PRKCH: variants seen among roughly 807,000 people sequenced by gnomAD.
PRKCH encodes protein kinase C eta.
A neutral mutation model predicts 82.5 loss-of-function variants in PRKCH; 28 were observed. The observed-to-expected ratio is 0.34, with a 90% CI of 0.25 to 0.47. The LOEUF (loss-of-function observed/expected upper bound fraction) is 0.47, where lower values mean the gene tolerates loss of function less well. PRKCH is among the 20% of genes least tolerant of loss of function. The probability of loss-of-function intolerance (pLI) is 1.00; values close to 1 mark genes in which losing one functional copy is unlikely to be tolerated. For synonymous variants in PRKCH, 322 were observed against 327.4 expected (o/e 0.98, Z 0.18); for missense variants, 705 against 881.8 (o/e 0.80, Z 2.54).
chr14:61,387,427 G>A (rs2046604508), intron 1 of PRKCH, among the ~76,000 whole-genome samples: 1 of 152,204 alleles, frequency 6.6e-6, no homozygotes, highest in Admixed American at 6.5e-5. Context: ...CCAGAAGCTG[G>A]GATGGATGTA....
At chr14:61,513,898 T>C (rs1052103923) in intron 10 of PRKCH, among the ~76,000 whole-genome samples, 6 of 151,962 alleles carry the variant, frequency 3.9e-5, no homozygotes, top group Admixed American at 6.6e-5. Context: ...ATGTGAGAAA[T>C]GTGGAGGGAA....
intron 2 of PRKCH, among the ~76,000 whole-genome samples, chr14:61,396,063 G>A (rs1195002053): frequency 1.4e-5 from 2 of 138,434 alleles, no homozygotes; most frequent in African/African-American, 2.7e-5. Flanking sequence ...TTGGGTGACA[G>A]AGTGAAACCT....
At chr14:61,514,926 TTGA>T (rs2042801271) in intron 10 of PRKCH, among the ~76,000 whole-genome samples, 1 of 152,208 alleles carries the variant, frequency 6.6e-6, no homozygotes, top group African/African-American at 2.4e-5. Flanking sequence ...TGCAGTGGCA[TTGA>T]TATAAATTCT....
chr14:61,253,738 C>A (rs759951322), intron 1 of PRKCH, among the ~76,000 whole-genome samples: 4 of 152,112 alleles, frequency 2.6e-5, no homozygotes, highest in African/African-American at 4.8e-5. Flanking sequence ...GGCAACGGTG[C>A]GCAAGTTTTC....
At position 61,457,766 on chromosome 14, in the gene PRKCH, G is replaced by A. The variant is rs1884846231; in HGVS notation, c.1278+87G>A. On this transcript the variant is annotated intron_variant, in intron 9 of 13. Transcript: ENST00000332981. ...GATACTGGAGATTTCATAAAGTTGAGTATCAGAAATTTTGGGGGATGGGCT... is the reference window on the plus strand; with the variant it reads ...GATACTGGAGATTTCATAAAGTTGAATATCAGAAATTTTGGGGGATGGGCT... 16 of 1,529,596 alleles carry A rather than the reference G, an allele frequency of 1.0e-5. No individual in the cohort carries two copies. The South Asian group carries it at 1.6e-4, about 15-fold the overall frequency. The allele number at this position is 1,529,596 out of a possible 1,614,324, so 94.8% of individuals were successfully genotyped here. A position where few individuals can be genotyped will look rare whatever the true frequency, so the allele number is the denominator to read the frequency against.
chr14:61,257,057 T>C (rs1349691026), intron 1 of PRKCH, among the ~76,000 whole-genome samples: 1 of 152,242 alleles, frequency 6.6e-6, no homozygotes, highest in Non-Finnish European at 1.5e-5. Context: ...TTTCCTTTTG[T>C]TGTGTGCCTT....
Position 61,280,484 on chromosome 14 carries a change from C to T in PRKCH, c.-19+92816C>T. Reference sequence around the variant, plus strand: ...CGCCAGTTGGGCGGGGGCGCCGTGCCCTGGAAGGCCAACGCCAGGCTGCCG... The same window carrying T: ...CGCCAGTTGGGCGGGGGCGCCGTGCTCTGGAAGGCCAACGCCAGGCTGCCG... On this transcript the variant is annotated intron_variant, in intron 1 of 3. Coordinates refer to the PRKCH transcript ENST00000555185. This position sits in a 1 kb window ranked among gnomAD's most constrained non-coding sequence, Gnocchi z 5.0. The T allele has an allele frequency of 1.2e-6, 2 of 1,613,104 alleles. No individual in the cohort carries two copies. Among genetic ancestry groups the T allele is most frequent in the Middle Eastern group, 1.7e-4 (1 of 6,058 alleles).
chr14:61,440,302 G>C (rs1176826084), intron 2 of PRKCH, among the ~76,000 whole-genome samples: 2 of 152,172 alleles, frequency 1.3e-5, no homozygotes, highest in Non-Finnish European at 1.5e-5. Flanking sequence ...CAGGATTATT[G>C]GTTATGACAC....
rs113874171 is a variant in PRKCH at position 61,439,041 on chromosome 14, A to G, written c.428-4070A>G. Among the ~76,000 whole-genome samples the G allele has an allele frequency of 9.7e-3, 1,475 of 152,326 alleles. 15 individuals are homozygous for G. The highest frequency in any genetic ancestry group is 0.034 in the African/African-American group (1,394 of 41,560). On this transcript the variant is annotated intron_variant, in intron 2 of 13. Transcript: ENST00000332981. ...TCCTATTTATTTAGAGCCATTGGGC[A>G]CCTAAGGAGCCAAACAGAAGTTGTG...
intron 1 of PRKCH, among the ~76,000 whole-genome samples, chr14:61,259,483 G>A (rs564333853): frequency 1.5e-3 from 232 of 152,318 alleles, no homozygotes; most frequent in Admixed American, 4.8e-3. Context: ...CCGGCTGCAC[G>A]TAAGAATCAC....
At chr14:61,334,512 A>T (rs1368272037) in intron 1 of PRKCH, among the ~76,000 whole-genome samples, 1 of 152,118 alleles carries the variant, frequency 6.6e-6, no homozygotes, top group Non-Finnish European at 1.5e-5. Flanking sequence ...GGCCTGACTG[A>T]CAAGAAGCAC....
At chr14:61,317,181 G>C (rs921474887), upstream of PRKCH, among the ~76,000 whole-genome samples, 1 of 152,182 alleles carries the variant, frequency 6.6e-6, no homozygotes, top group Non-Finnish European at 1.5e-5. Flanking sequence ...TGCAGTCTCA[G>C]AACGCTATGA....
intron 2 of PRKCH, among the ~76,000 whole-genome samples, chr14:61,410,737 G>A (rs1594675696): frequency 6.6e-6 from 1 of 152,140 alleles, no homozygotes. Flanking sequence ...TGTAGGCAAC[G>A]CACCCGACCT....
chr14:61,408,546 C>T (rs1267028586), intron 2 of PRKCH, among the ~76,000 whole-genome samples: 1 of 152,110 alleles, frequency 6.6e-6, no homozygotes, highest in Non-Finnish European at 1.5e-5. Flanking sequence ...TCCTTCCTTG[C>T]TGCGTGACCT....
At position 61,504,599 on chromosome 14, in the gene PRKCH, T is replaced by A. The variant is rs1035134441; in HGVS notation, c.1433+18943T>A. 3.9e-5 allele frequency among the ~76,000 whole-genome samples: 6 copies of A among 152,216 alleles called. 1 individual carries two copies. The highest frequency in any genetic ancestry group is 5.9e-5 in the Non-Finnish European group (4 of 68,034). ...TAGAACCAAACAAAAAAGGGTGTTTTTACAAATTGAGAGGGGTCCCTCTGT... is the reference window on the plus strand; with the variant it reads ...TAGAACCAAACAAAAAAGGGTGTTTATACAAATTGAGAGGGGTCCCTCTGT... On this transcript the variant is annotated intron_variant, in intron 10 of 13. Transcript: ENST00000332981.
chr14:61,213,082 G>A (rs373848541), intron 1 of PRKCH, among the ~76,000 whole-genome samples: 5 of 152,168 alleles, frequency 3.3e-5, no homozygotes, highest in African/African-American at 1.2e-4. Context: ...CAGGCAGGAG[G>A]GGAGGAGGGC....
chr14:61,359,436 C>T (rs985978172), intron 1 of PRKCH, among the ~76,000 whole-genome samples: 1 of 152,152 alleles, frequency 6.6e-6, no homozygotes, highest in African/African-American at 2.4e-5. Flanking sequence ...GTTATTTTTC[C>T]CAGAGAACAT....
chr14:61,345,444 G>A (rs1211121204), intron 1 of PRKCH, among the ~76,000 whole-genome samples: 1 of 152,190 alleles, frequency 6.6e-6, no homozygotes, highest in Non-Finnish European at 1.5e-5. Context: ...TGGAGGCAAG[G>A]CTGACAGCCA....
chr14:61,441,264 A>G (rs962547611), intron 2 of PRKCH, among the ~76,000 whole-genome samples: 3 of 152,078 alleles, frequency 2.0e-5, no homozygotes, highest in Non-Finnish European at 2.9e-5. Context: ...TGAATGTGTT[A>G]CCTGATTCAG....
Sources: allele counts gnomAD v4.1 joint callset (sites outside exome capture counted in the v4.1 genomes callset), GRCh38; gene constraint gnomAD v4.1.1; non-coding constraint Gnocchi (gnomAD v3.1); transcripts MANE v1.5; gene names NCBI Gene and HGNC (gene_info 2026-07-23, HGNC 2026-07-21).